The following NLGN1 variants were observed in gnomAD, a reference collection of about 807,000 sequenced individuals.
The protein encoded by NLGN1 is neuroligin 1.
Under a neutral mutation model 65.5 loss-of-function variants are expected in NLGN1, and 12 were observed. The ratio of observed to expected loss-of-function variants is 0.18; its 90% CI spans 0.12 to 0.30. The LOEUF is 0.30. NLGN1 is among the 10% of genes least tolerant of loss of function. The probability of loss-of-function intolerance (pLI) is 1.00; values close to 1 mark genes in which losing one functional copy is unlikely to be tolerated. For synonymous variants in NLGN1, 350 were observed against 359.5 expected (o/e 0.97, Z 0.30); for missense variants, 750 against 1,007.1 (o/e 0.74, Z 3.46).
intron 3 of NLGN1, among the ~76,000 whole-genome samples, chr3:173,637,936 C>T (rs931205354): frequency 6.6e-6 from 1 of 152,284 alleles, no homozygotes; most frequent in Non-Finnish European, 1.5e-5. Flanking sequence ...ATTCCCTTAT[C>T]TTTCGACATT....
intron 3 of NLGN1, among the ~76,000 whole-genome samples, chr3:173,774,837 C>T (rs560788020): frequency 1.2e-4 from 18 of 152,154 alleles, no homozygotes; most frequent in Non-Finnish European, 2.2e-4. Flanking sequence ...CCCCCTCGCA[C>T]GCACATTCTA....
chr3:173,967,647 T>A (rs909628748), intron 4 of NLGN1, among the ~76,000 whole-genome samples: 1 of 152,146 alleles, frequency 6.6e-6, no homozygotes, highest in African/African-American at 2.4e-5. Flanking sequence ...AATTTTTACT[T>A]CTTATTTTCA....
chr3:173,872,376 G>T (rs369491535), intron 4 of NLGN1, among the ~76,000 whole-genome samples: 1 of 152,342 alleles, frequency 6.6e-6, no homozygotes, highest in East Asian at 1.9e-4. Flanking sequence ...ATGGGTCAAA[G>T]AAATATGGAA....
chr3:173,826,620 C>T (rs768688514), intron 4 of NLGN1, among the ~76,000 whole-genome samples: 7 of 151,842 alleles, frequency 4.6e-5, no homozygotes, highest in Non-Finnish European at 7.4e-5. Flanking sequence ...GGGCTTCTGC[C>T]GAGGGTGTTA....
chr3:173,491,006 G>C (rs1729044451), intron 2 of NLGN1, among the ~76,000 whole-genome samples: 2 of 151,704 alleles, frequency 1.3e-5, no homozygotes, highest in South Asian at 4.2e-4. Context: ...TGTGACGATG[G>C]GGTTTTCTAG....
intron 4 of NLGN1, among the ~76,000 whole-genome samples, chr3:174,125,892 C>T (rs1718844662): frequency 6.6e-6 from 1 of 152,026 alleles, no homozygotes; most frequent in Non-Finnish European, 1.5e-5. Context: ...GCGGTTAAGT[C>T]ATAAAAAGAA....
intron 3 of NLGN1, among the ~76,000 whole-genome samples, chr3:173,702,966 C>G (rs960817306): frequency 6.6e-6 from 1 of 151,998 alleles, no homozygotes; most frequent in Admixed American, 6.5e-5. Context: ...TAAATATAGT[C>G]CAACAGAAAA....
At chr3:173,478,919 G>T (rs142281896) in intron 2 of NLGN1, among the ~76,000 whole-genome samples, 4 of 135,016 alleles carry the variant, frequency 3.0e-5, no homozygotes, top group South Asian at 5.5e-4. Flanking sequence ...AAAAGAAAAA[G>T]AAAGAAAATT....
intron 4 of NLGN1, among the ~76,000 whole-genome samples, chr3:174,145,787 G>A (rs571603727): frequency 2.0e-5 from 3 of 152,268 alleles, no homozygotes; most frequent in Admixed American, 6.5e-5. Context: ...AAGGCTAACG[G>A]TGCATATATT....
At chr3:173,746,727 A>G (rs1775439535) in intron 3 of NLGN1, among the ~76,000 whole-genome samples, 1 of 152,028 alleles carries the variant, frequency 6.6e-6, no homozygotes, top group African/African-American at 2.4e-5. Context: ...AAGATAAGTA[A>G]TCTCCATGAA....
intron 4 of NLGN1, among the ~76,000 whole-genome samples, chr3:174,237,182 T>G (rs964093071): frequency 1.3e-5 from 2 of 152,164 alleles, no homozygotes; most frequent in African/African-American, 4.8e-5. Context: ...AAATACTTTA[T>G]CCTCACTTTT....
chr3:173,568,530 C>T (rs1450513650), intron 2 of NLGN1, among the ~76,000 whole-genome samples: 2 of 152,130 alleles, frequency 1.3e-5, no homozygotes, highest in South Asian at 2.1e-4. Context: ...CCACTGTGCC[C>T]GGCCTCAATA....
chr3:174,099,233 G>T (rs1205412943), intron 4 of NLGN1, among the ~76,000 whole-genome samples: 2 of 152,098 alleles, frequency 1.3e-5, no homozygotes, highest in African/African-American at 4.8e-5. Context: ...CACCTGGCTC[G>T]AATCTCATAA....
chr3:173,427,241 T>G (rs555669146), intron 1 of NLGN1, among the ~76,000 whole-genome samples: 310 of 152,120 alleles, frequency 2.0e-3, no homozygotes, highest in African/African-American at 7.1e-3. Flanking sequence ...TTATCCATTT[T>G]GTTTATCTTC....
At chr3:174,018,734 A>C (rs2152455083) in intron 4 of NLGN1, among the ~76,000 whole-genome samples, 1 of 152,194 alleles carries the variant, frequency 6.6e-6, no homozygotes, top group East Asian at 1.9e-4. Flanking sequence ...TGATTTCCCC[A>C]CTTTTCCTTT....
intron 4 of NLGN1, among the ~76,000 whole-genome samples, chr3:174,094,190 T>C (rs1745032476): frequency 6.6e-6 from 1 of 152,226 alleles, no homozygotes; most frequent in African/African-American, 2.4e-5. Context: ...ATTTTATTGA[T>C]ATATCATTTG....
intron 3 of NLGN1, among the ~76,000 whole-genome samples, chr3:173,772,479 A>G: frequency 6.6e-6 from 1 of 151,978 alleles, no homozygotes; most frequent in East Asian, 1.9e-4. Context: ...TTAGCCAGGC[A>G]TGGTGTCAGG....
At chr3:173,730,905 A>G (rs1772725581) in intron 3 of NLGN1, among the ~76,000 whole-genome samples, 1 of 152,098 alleles carries the variant, frequency 6.6e-6, no homozygotes, top group Admixed American at 6.6e-5. Flanking sequence ...TTGAGGAAAT[A>G]ATATTTTCTA....
intron 2 of NLGN1, among the ~76,000 whole-genome samples, chr3:173,479,457 C>T (rs1387540460): frequency 6.6e-6 from 1 of 152,194 alleles, no homozygotes; most frequent in East Asian, 1.9e-4. Flanking sequence ...GCCTAGTTAT[C>T]ACAATCGTGA....
Sources: gnomAD v4.1 joint callset for allele counts (sites outside exome capture counted in the v4.1 genomes callset) on GRCh38, gnomAD v4.1.1 for gene constraint, MANE v1.5 for transcripts, NCBI Gene and HGNC (gene_info 2026-07-23, HGNC 2026-07-21) for gene names.